Variants in DLG2 observed in about 807,000 individuals in gnomAD.
The protein encoded by DLG2 is discs large MAGUK scaffold protein 2, also known as disks large homolog 2.
Under a neutral mutation model 132.5 loss-of-function variants are expected in DLG2, and 45 were observed. The observed-to-expected ratio is 0.34, with a 90% CI of 0.27 to 0.44. DLG2 has a LOEUF of 0.44. DLG2 is among the 20% of genes least tolerant of loss of function. The pLI is 1.00. For synonymous variants in DLG2, 424 were observed against 419.6 expected (o/e 1.01, Z -0.13); for missense variants, 1,045 against 1,196.9 (o/e 0.87, Z 1.87).
At position 84,870,394 on chromosome 11, in the gene DLG2, A is replaced by G. The variant is rs1240792823; in HGVS notation, c.357+241267T>C. Among the ~76,000 whole-genome samples, 8 of 152,332 alleles carry G rather than the reference A, an allele frequency of 5.3e-5. No individual in the cohort carries two copies. The East Asian group carries it at 1.5e-3, about 29-fold the overall frequency. On this transcript the variant is annotated intron_variant, in intron 6 of 27. Coordinates refer to ENST00000376104, the MANE Select transcript of DLG2 (RefSeq NM_001142699.3). ...GATCCTGTTATTCTTCAAGCTTAAC[A>G]AGTGACCTAGAGGAAGAAAAGACTA...
chr11:85,593,994 T>C (rs2079553876), intron 3 of DLG2, among the ~76,000 whole-genome samples: 1 of 152,178 alleles, frequency 6.6e-6, no homozygotes, highest in African/African-American at 2.4e-5. Context: ...AACTGGTATT[T>C]TTAAAAGAAG....
intron 6 of DLG2, among the ~76,000 whole-genome samples, chr11:84,542,772 C>A (rs992248383): frequency 6.6e-6 from 1 of 152,054 alleles, no homozygotes; most frequent in African/African-American, 2.4e-5. Flanking sequence ...CAATGATGAA[C>A]CACGTGAAAA....
In DLG2 at chr11:84,267,830, A is replaced by G. The variant is rs2097662759; in HGVS notation, c.520-16539T>C. Among the ~76,000 whole-genome samples the G allele has an allele frequency of 2.0e-5, 3 of 152,194 alleles. No individual in the cohort carries two copies. The South Asian group carries it at 6.2e-4, about 32-fold the overall frequency. ...ATGGATATACTCAATTCTAGGCACC[A>G]TTGTCAACCTGTAGGTCAGGCCACA... On this transcript the variant is annotated intron_variant, in intron 7 of 27. Coordinates refer to ENST00000376104, the MANE Select transcript of DLG2 (RefSeq NM_001142699.3).
chr11:84,055,613 T>C (rs1490440143), intron 11 of DLG2, among the ~76,000 whole-genome samples: 3 of 152,118 alleles, frequency 2.0e-5, no homozygotes, highest in Admixed American at 1.3e-4. Context: ...CCTCTACTTC[T>C]ATCTGGGATG....
At chr11:85,332,809 T>C (rs2152842351) in intron 3 of DLG2, among the ~76,000 whole-genome samples, 1 of 152,304 alleles carries the variant, frequency 6.6e-6, no homozygotes, top group East Asian at 1.9e-4. Flanking sequence ...GCTCCATTGG[T>C]CTGTCTGTTT....
chr11:85,051,919 G>A (rs372638843), intron 6 of DLG2, among the ~76,000 whole-genome samples: 38 of 152,112 alleles, frequency 2.5e-4, no homozygotes, highest in African/African-American at 8.4e-4. Flanking sequence ...TTTGAGTGTC[G>A]TTTGAAAATG....
intron 3 of DLG2, among the ~76,000 whole-genome samples, chr11:85,423,505 C>T (rs1380011234): frequency 6.6e-6 from 1 of 152,034 alleles, no homozygotes; most frequent in Admixed American, 6.6e-5. Flanking sequence ...GAATATATGC[C>T]CTTTGTCTTC....
intron 3 of DLG2, among the ~76,000 whole-genome samples, chr11:85,365,651 C>G (rs2084490122): frequency 6.6e-6 from 1 of 152,128 alleles, no homozygotes; most frequent in African/African-American, 2.4e-5. Flanking sequence ...TATTGCAGCA[C>G]TATTCACAAT....
At chr11:84,037,744 A>C (rs1004501703) in intron 11 of DLG2, among the ~76,000 whole-genome samples, 1 of 152,138 alleles carries the variant, frequency 6.6e-6, no homozygotes, top group African/African-American at 2.4e-5. Context: ...AATGTCTTTC[A>C]AAATGTATAT....
In DLG2 at chr11:85,263,064, A is replaced by G. The variant is rs997713470; in HGVS notation, c.186+22156T>C. Among the ~76,000 whole-genome samples the G allele has an allele frequency of 7.9e-5, 12 of 152,234 alleles. No homozygotes were observed. The East Asian group carries it at 2.1e-3, about 27-fold the overall frequency. The stretch of plus-strand genomic sequence containing the variant: ...ATTTCTCTCAGGGCATCCCCCCAGG[A>G]AAAGGGGGTTCCACTTATGTCTGCT... On this transcript the variant is annotated intron_variant, in intron 4 of 27. Coordinates refer to ENST00000376104, the MANE Select transcript of DLG2 (RefSeq NM_001142699.3).
chr11:85,512,652 T>G (rs1344946578), intron 3 of DLG2, among the ~76,000 whole-genome samples: 2 of 152,026 alleles, frequency 1.3e-5, no homozygotes, highest in Non-Finnish European at 1.5e-5. Flanking sequence ...CTAATACAAC[T>G]TCTTTAGTAA....
intron 3 of DLG2, among the ~76,000 whole-genome samples, chr11:85,387,803 G>C (rs1192118041): frequency 6.6e-6 from 1 of 152,120 alleles, no homozygotes; most frequent in African/African-American, 2.4e-5. Context: ...AAAATCTAGA[G>C]GGGAAAAAAT....
At chr11:84,561,825 T>C (rs774614996) in intron 6 of DLG2, among the ~76,000 whole-genome samples, 15 of 152,146 alleles carry the variant, frequency 9.9e-5, no homozygotes, top group Admixed American at 2.0e-4. Context: ...TACATATTAA[T>C]TTGAAGATTT....
intron 8 of DLG2, among the ~76,000 whole-genome samples, chr11:84,209,043 C>G (rs1232070176): frequency 6.6e-6 from 1 of 152,112 alleles, no homozygotes; most frequent in Non-Finnish European, 1.5e-5. Flanking sequence ...GGATAATATA[C>G]ATACATATAT....
chr11:84,405,140 A>G (rs980594024), intron 7 of DLG2, among the ~76,000 whole-genome samples: 10 of 152,348 alleles, frequency 6.6e-5, no homozygotes, highest in Admixed American at 5.9e-4. Context: ...TCCTTGCAGG[A>G]AAAAAGAAAC....
At chr11:85,495,939 T>C (rs1187157259) in intron 3 of DLG2, among the ~76,000 whole-genome samples, 3 of 152,140 alleles carry the variant, frequency 2.0e-5, no homozygotes, top group African/African-American at 7.2e-5. Flanking sequence ...GCTTCCAAGA[T>C]GGCCAAACAG....
chr11:85,247,091 A>G (rs2076172469), intron 4 of DLG2, among the ~76,000 whole-genome samples: 1 of 152,082 alleles, frequency 6.6e-6, no homozygotes, highest in African/African-American at 2.4e-5. Context: ...TTCTATCTCC[A>G]TTTATAATAG....
At chr11:84,477,933 C>A (rs2099126177) in intron 7 of DLG2, among the ~76,000 whole-genome samples, 1 of 152,080 alleles carries the variant, frequency 6.6e-6, no homozygotes, top group Non-Finnish European at 1.5e-5. Flanking sequence ...ATGTGTATTA[C>A]ATGTATTCAC....
intron 19 of DLG2, among the ~76,000 whole-genome samples, chr11:83,578,790 A>T (rs1386736636): frequency 2.0e-5 from 3 of 152,220 alleles, no homozygotes; most frequent in African/African-American, 7.2e-5. Context: ...TAGCATTTAT[A>T]GACTACCCAT....
Sources: gnomAD v4.1 joint callset for allele counts (sites outside exome capture counted in the v4.1 genomes callset) on GRCh38, gnomAD v4.1.1 for gene constraint, MANE v1.5 for transcripts, NCBI Gene and HGNC (gene_info 2026-07-23, HGNC 2026-07-21) for gene names.